Variants in RORA observed in about 807,000 individuals in gnomAD.
The protein encoded by RORA is RAR related orphan receptor A.
A neutral mutation model predicts 69.5 loss-of-function variants in RORA; 7 were observed. The observed-to-expected ratio is 0.10, with a 90% CI of 0.06 to 0.19. RORA has a LOEUF of 0.19. Among genes scored for constraint, RORA ranks in the 10% least tolerant of loss-of-function variants. RORA has a pLI of 1.00. For synonymous variants in RORA, 261 were observed against 240.8 expected, an observed-to-expected ratio of 1.08 and a Z score of -0.78; for missense variants, 457 against 663.0, an observed-to-expected ratio of 0.69 and a Z score of 3.41.
At chr15:60,860,510 G>A (rs1479792580) in intron 1 of RORA, among the ~76,000 whole-genome samples, 2 of 152,152 alleles carry the variant, frequency 1.3e-5, no homozygotes, top group African/African-American at 4.8e-5. Context: ...CCTTTACGAT[G>A]GCTGAATTCT....
intron 1 of RORA, among the ~76,000 whole-genome samples, chr15:60,858,113 T>C (rs2073399767): frequency 6.6e-6 from 1 of 152,184 alleles, no homozygotes; most frequent in Non-Finnish European, 1.5e-5. Flanking sequence ...GCAGGGCCTG[T>C]TGCCCATGGC....
chr15:61,112,950 T>C (rs545897272), intron 1 of RORA, among the ~76,000 whole-genome samples: 2 of 152,334 alleles, frequency 1.3e-5, no homozygotes, highest in South Asian at 4.1e-4. Context: ...GTGGGCATAA[T>C]ATTGTCCTGC....
chr15:60,923,657 T>C (rs537972561), intron 1 of RORA, among the ~76,000 whole-genome samples: 3 of 152,320 alleles, frequency 2.0e-5, no homozygotes, highest in African/African-American at 4.8e-5. Context: ...GTGACTTATA[T>C]CTAAAGACTA....
intron 2 of RORA, among the ~76,000 whole-genome samples, chr15:60,658,875 T>A (rs746676114): frequency 8.5e-5 from 13 of 152,296 alleles, no homozygotes; most frequent in South Asian, 6.2e-4. Context: ...GTTTCTGTAG[T>A]GCCTTTTGGA....
At chr15:61,130,171 A>G (rs1320849323) in intron 1 of RORA, among the ~76,000 whole-genome samples, 2 of 152,220 alleles carry the variant, frequency 1.3e-5, no homozygotes, top group African/African-American at 4.8e-5. Context: ...AAAAGAAATA[A>G]TATATTAGTT....
At chr15:61,041,970 C>T (rs1413760372) in intron 1 of RORA, among the ~76,000 whole-genome samples, 5 of 152,140 alleles carry the variant, frequency 3.3e-5, no homozygotes, top group African/African-American at 1.2e-4. Flanking sequence ...ATAACTTGCC[C>T]AAGGAGTCAC....
chr15:60,856,514 G>C (rs1177728838), intron 1 of RORA, among the ~76,000 whole-genome samples: 2 of 148,596 alleles, frequency 1.3e-5, no homozygotes, highest in East Asian at 2.0e-4. Context: ...CTTAGAACTA[G>C]AAGAGTCCTT....
chr15:60,869,711 T>C (rs1482217434), intron 1 of RORA, among the ~76,000 whole-genome samples: 4 of 152,164 alleles, frequency 2.6e-5, no homozygotes, highest in Non-Finnish European at 4.4e-5. Flanking sequence ...GATCGAAAAA[T>C]GCATAAGCAA....
At chr15:61,184,253 T>C (rs1324431833) in intron 1 of RORA, among the ~76,000 whole-genome samples, 1 of 152,206 alleles carries the variant, frequency 6.6e-6, no homozygotes, top group Non-Finnish European at 1.5e-5. Flanking sequence ...CACTGAACGC[T>C]GAGAAGCAAT....
intron 2 of RORA, among the ~76,000 whole-genome samples, chr15:60,540,304 T>C (rs1315628654): frequency 6.6e-6 from 1 of 152,182 alleles, no homozygotes; most frequent in African/African-American, 2.4e-5. Context: ...AAGGTCTGTT[T>C]TTCACAACAG....
At chr15:61,173,765 C>T (rs926014775) in intron 1 of RORA, among the ~76,000 whole-genome samples, 4 of 152,212 alleles carry the variant, frequency 2.6e-5, no homozygotes, top group African/African-American at 9.6e-5. Flanking sequence ...AAGAGATCCT[C>T]ACACCTCAGC....
chr15:60,876,582 T>G (rs949918210), intron 1 of RORA, among the ~76,000 whole-genome samples: 1 of 152,228 alleles, frequency 6.6e-6, no homozygotes, highest in Non-Finnish European at 1.5e-5. Flanking sequence ...AACTTCAGTC[T>G]GCCTGTGACA....
chr15:61,191,268 T>C (rs2079797022), intron 1 of RORA, among the ~76,000 whole-genome samples: 1 of 152,014 alleles, frequency 6.6e-6, no homozygotes, highest in Non-Finnish European at 1.5e-5. Flanking sequence ...GTACAACTCT[T>C]GGCAGAGTAC....
intron 1 of RORA, among the ~76,000 whole-genome samples, chr15:61,210,963 G>A (rs952909520): frequency 6.6e-6 from 1 of 152,252 alleles, no homozygotes; most frequent in Non-Finnish European, 1.5e-5. Flanking sequence ...GGCGAAAGCA[G>A]TCAAGCCGGA....
Position 60,904,199 on chromosome 15 carries a change from A to C in RORA, c.167-225513T>G, listed in dbSNP as rs117795767. ...CTCCTTAAGATATATCCTGGGTTTTACTGAAGGACTTCTCTCTTAATAACG... is the reference window on the plus strand; with the variant it reads ...CTCCTTAAGATATATCCTGGGTTTTCCTGAAGGACTTCTCTCTTAATAACG... On this transcript the variant is annotated intron_variant, in intron 1 of 10. Transcript: ENST00000335670. 2.0e-3 allele frequency among the ~76,000 whole-genome samples: 312 copies of C among 152,306 alleles called. 5 individuals carry two copies. In the East Asian group the frequency reaches 0.045, roughly 22 times the overall value.
chr15:60,706,059 T>C (rs1012242364), intron 1 of RORA, among the ~76,000 whole-genome samples: 6 of 152,166 alleles, frequency 3.9e-5, no homozygotes, highest in African/African-American at 1.4e-4. Context: ...CGCATAGTTA[T>C]TTAGGCTAGA....
intron 1 of RORA, among the ~76,000 whole-genome samples, chr15:60,941,793 T>A (rs1485979090): frequency 2.6e-5 from 4 of 152,208 alleles, no homozygotes; most frequent in Non-Finnish European, 5.9e-5. Flanking sequence ...ATCTTTTTCA[T>A]CTCTTCAAAG....
intron 1 of RORA, among the ~76,000 whole-genome samples, chr15:61,133,208 T>C (rs1567004405): frequency 6.6e-6 from 1 of 152,082 alleles, no homozygotes. Context: ...TAAAGTAATA[T>C]CGATCAGGTA....
intron 1 of RORA, among the ~76,000 whole-genome samples, chr15:60,755,844 A>C (rs888233744): frequency 4.6e-5 from 7 of 152,128 alleles, no homozygotes; most frequent in African/African-American, 1.7e-4. Flanking sequence ...CTCCATGCAA[A>C]TCATGTCCAC....
Sources: allele counts gnomAD v4.1 joint callset (sites outside exome capture counted in the v4.1 genomes callset), GRCh38; gene constraint gnomAD v4.1.1; transcripts MANE v1.5; gene names NCBI Gene and HGNC (gene_info 2026-07-23, HGNC 2026-07-21).